The following GRM4 variants were observed in gnomAD, a reference collection of about 807,000 sequenced individuals.
GRM4 encodes glutamate metabotropic receptor 4.
In GRM4, 28 loss-of-function variants were observed where a neutral mutation model predicts 81.7. The ratio of observed to expected loss-of-function variants is 0.34; its 90% CI spans 0.25 to 0.47. The LOEUF (loss-of-function observed/expected upper bound fraction) is 0.47. GRM4 is among the 20% of genes least tolerant of loss of function. The pLI is 1.00. For missense variants in GRM4, 948 were observed against 1,290.0 expected (o/e 0.73, Z 4.06); for synonymous variants, 488 against 528.8 (o/e 0.92, Z 1.06).
intron 6 of GRM4, among the ~76,000 whole-genome samples, chr6:34,043,018 A>C (rs1433512093): frequency 1.3e-5 from 2 of 152,100 alleles, no homozygotes; most frequent in African/African-American, 4.8e-5. Flanking sequence ...ATAGAACCAC[A>C]ACACTAGGGA....
At chr6:34,040,057 A>G in intron 8 of GRM4, 121 bp downstream of exon 8, 1 of 964,008 alleles carries the variant, frequency 1.0e-6, no homozygotes, top group African/African-American at 1.6e-5. Context: ...AGGAAGCCCC[A>G]GCCTGGCAGC....
In GRM4 at chr6:34,036,658, G is replaced by T; in HGVS notation, c.1507-55C>A. 2 of 1,010,066 alleles carry T rather than the reference G, an allele frequency of 2.0e-6. No individual in the cohort carries two copies. Among genetic ancestry groups the T allele is most frequent in the South Asian group, 3.0e-5 (2 of 66,108 alleles). The allele number at this position is 1,010,066 out of a possible 1,614,324, so 62.6% of individuals were successfully genotyped here. ...TCAGAACATGCCACCCGGTGCCCCGGACCATCCTACTGGGTGGTGGCACCT... is the reference window on the plus strand; with the variant it reads ...TCAGAACATGCCACCCGGTGCCCCGTACCATCCTACTGGGTGGTGGCACCT... On this transcript the variant is annotated intron_variant, in intron 8 of 10. Transcript: ENST00000538487. This position sits in a 1 kb window ranked among gnomAD's most constrained non-coding sequence, Gnocchi z 9.0.
At chr6:34,142,369 T>G (rs143074570) in intron 1 of GRM4, among the ~76,000 whole-genome samples, 14 of 152,264 alleles carry the variant, frequency 9.2e-5, no homozygotes, top group African/African-American at 3.4e-4. Context: ...CACTGGAAAG[T>G]TGGGTTCTAG....
rs530367019 is a variant in GRM4 at position 34,092,934 on chromosome 6, C to T, written c.520-835G>A. On this transcript the variant is annotated intron_variant, in intron 2 of 10. Coordinates refer to ENST00000538487, the MANE Select transcript of GRM4 (RefSeq NM_000841.4). The surrounding 1 kb of genome is among the most constrained non-coding windows in gnomAD (Gnocchi z 6.8). The stretch of plus-strand genomic sequence containing the variant: ...GGGAAGGGGTATGGTCCCTCCTCTC[C>T]GCCCCTCCCCTCCAGGGCGCCACCC... 6.6e-6 allele frequency among the ~76,000 whole-genome samples: 1 copy of T among 152,224 alleles called. No individual in the cohort carries two copies. The highest frequency in any genetic ancestry group is 1.9e-4 in the East Asian group (1 of 5,158).
intron 2 of GRM4, among the ~76,000 whole-genome samples, chr6:34,108,581 T>G (rs115456562): frequency 0.02 from 2,977 of 152,310 alleles, 31 homozygotes; most frequent in African/African-American, 0.04. Flanking sequence ...CTGCCTCCTA[T>G]GATCCTCAGC....
At chr6:34,109,518 G>A (rs1465933128) in intron 2 of GRM4, among the ~76,000 whole-genome samples, 1 of 152,188 alleles carries the variant, frequency 6.6e-6, no homozygotes, top group Admixed American at 6.5e-5. Flanking sequence ...GCAGACAATG[G>A]GCATCTGCAG....
At position 34,137,119 on chromosome 6, in the gene GRM4, G is replaced by C. The variant is rs535938060; in HGVS notation, c.-363-3260C>G. Among the ~76,000 whole-genome samples the C allele has an allele frequency of 8.7e-4, 132 of 152,338 alleles. 1 individual carries two copies. The highest frequency in any genetic ancestry group is 2.8e-3 in the African/African-American group (115 of 41,568). Reference sequence around the variant, plus strand: ...GAGCTCAAGCCTGGGTCAGTTAGGGGCATCCTTCCCCAGGTGAAATCATCG... The same window carrying C: ...GAGCTCAAGCCTGGGTCAGTTAGGGCCATCCTTCCCCAGGTGAAATCATCG... On this transcript the variant is annotated intron_variant, in intron 1 of 10. Transcript: ENST00000538487.
At chr6:34,120,584 AC>A (rs1207028655) in intron 2 of GRM4, among the ~76,000 whole-genome samples, 2 of 152,128 alleles carry the variant, frequency 1.3e-5, no homozygotes, top group East Asian at 1.9e-4. Context: ...TCCAGCAGCA[AC>A]CAGAGACCTG....
intron 2 of GRM4, among the ~76,000 whole-genome samples, chr6:34,101,730 G>T (rs1208143842): frequency 6.6e-6 from 1 of 152,252 alleles, no homozygotes; most frequent in African/African-American, 2.4e-5. Flanking sequence ...GTGTAAAACG[G>T]CTCTGCTTTG....
chr6:34,071,935 CAG>C (rs1491094574), intron 3 of GRM4, among the ~76,000 whole-genome samples: 252 of 23,872 alleles, frequency 0.011, no homozygotes, highest in Middle Eastern at 0.028. Context: ...ACAGCACACA[CAG>C]ACACACACAT....
At chr6:34,125,394 G>A (rs935023364) in intron 2 of GRM4, among the ~76,000 whole-genome samples, 6 of 152,120 alleles carry the variant, frequency 3.9e-5, no homozygotes, top group Admixed American at 6.5e-5. Context: ...TGGGTGGGGC[G>A]CTCCCTGGAG....
At chr6:34,073,670 T>C (rs2451341) in intron 3 of GRM4, among the ~76,000 whole-genome samples, 12,474 of 151,686 alleles carry the variant, frequency 0.082, 1,094 homozygotes, top group African/African-American at 0.21. Flanking sequence ...CACTGCCTGG[T>C]GGCTCTCACA....
At chr6:34,096,469 G>A (rs2127489936) in intron 2 of GRM4, among the ~76,000 whole-genome samples, 1 of 152,330 alleles carries the variant, frequency 6.6e-6, no homozygotes, top group South Asian at 2.1e-4. Context: ...TCCTCCCGGT[G>A]TTACTATTCT....
chr6:34,074,899 C>T lies in GRM4; in HGVS notation c.737-12871G>A, dbSNP rs759642804. 4.0e-4 allele frequency among the ~76,000 whole-genome samples: 61 copies of T among 152,112 alleles called. No individual in the cohort carries two copies. Among genetic ancestry groups the T allele is most frequent in the Non-Finnish European group, 7.2e-4 (49 of 68,018 alleles). ...GAGGTCCCTACCCCAGGTCAACCCACCCAGGCCCTACTGTCCCCCACCCTC... is the reference window on the plus strand; with the variant it reads ...GAGGTCCCTACCCCAGGTCAACCCATCCAGGCCCTACTGTCCCCCACCCTC... On this transcript the variant is annotated intron_variant, in intron 3 of 10. Transcript: ENST00000538487. This position sits in a 1 kb window ranked among gnomAD's most constrained non-coding sequence, Gnocchi z 4.9.
chr6:34,084,718 G>A (rs1480641910), intron 3 of GRM4, among the ~76,000 whole-genome samples: 1 of 152,220 alleles, frequency 6.6e-6, no homozygotes, highest in South Asian at 2.1e-4. Flanking sequence ...GGCCACAGGA[G>A]CTCCAACCCA....
rs566286806 is a variant in GRM4 at position 34,127,126 on chromosome 6, T to G, written c.519+5852A>C. ...CAGATTTGGCTCCTAGTCTATCGTTTGCTAACCCCTGGGCTAGAGGGGAAC... is the reference window on the plus strand; with the variant it reads ...CAGATTTGGCTCCTAGTCTATCGTTGGCTAACCCCTGGGCTAGAGGGGAAC... On this transcript the variant is annotated intron_variant, in intron 2 of 10. Coordinates refer to ENST00000538487, the MANE Select transcript of GRM4 (RefSeq NM_000841.4). Among the ~76,000 whole-genome samples the G allele has an allele frequency of 5.9e-5, 9 of 152,342 alleles. 1 individual carries two copies. The highest frequency in any genetic ancestry group is 2.2e-4 in the African/African-American group (9 of 41,576).
Position 34,042,099 on chromosome 6 carries a change from A to G in GRM4, c.1169-1351T>C, listed in dbSNP as rs1028770494. On this transcript the variant is annotated intron_variant, in intron 6 of 10. Coordinates refer to ENST00000538487, the MANE Select transcript of GRM4 (RefSeq NM_000841.4). The surrounding 1 kb of genome is among the most constrained non-coding windows in gnomAD (Gnocchi z 4.2). ...AAACCCCATCTCTACTCAAAATACCAAAATTAGCTGGGAACATCAGGAGAG... is the reference window on the plus strand; with the variant it reads ...AAACCCCATCTCTACTCAAAATACCGAAATTAGCTGGGAACATCAGGAGAG... Among the ~76,000 whole-genome samples, 3 of 152,128 alleles carry G rather than the reference A, an allele frequency of 2.0e-5. No individual in the cohort carries two copies. Among genetic ancestry groups the G allele is most frequent in the Non-Finnish European group, 4.4e-5 (3 of 68,022 alleles).
At chr6:34,123,796 G>A (rs1769910670) in intron 2 of GRM4, among the ~76,000 whole-genome samples, 1 of 152,220 alleles carries the variant, frequency 6.6e-6, no homozygotes. Flanking sequence ...CAGGCCAGCT[G>A]GCCCCAGGGT....
Position 34,132,864 on chromosome 6 carries a change from A to T in GRM4, c.519+114T>A, listed in dbSNP as rs190715581. ...CTCTGAGGAAAAAACTGTCCCTTAG[A>T]GTGAGGAAAAAAGGAGGAAAAAGGG... On this transcript the variant is annotated intron_variant, in intron 2 of 10. Transcript: ENST00000538487. 31 of 816,308 alleles carry T rather than the reference A, an allele frequency of 3.8e-5. No individual in the cohort carries two copies. The East Asian group carries it at 7.6e-4, about 20-fold the overall frequency. 50.6% of individuals were successfully genotyped at this position (816,308 alleles called of 1,614,324 possible).
Sources: allele counts gnomAD v4.1 joint callset (sites outside exome capture counted in the v4.1 genomes callset), GRCh38; gene constraint gnomAD v4.1.1; non-coding constraint Gnocchi (gnomAD v3.1); transcripts MANE v1.5; gene names NCBI Gene and HGNC (gene_info 2026-07-23, HGNC 2026-07-21).